TUBGCP6: variants seen among roughly 807,000 people sequenced by gnomAD.
The protein encoded by TUBGCP6 is gamma-tubulin complex component 6.
A neutral mutation model predicts 175.8 loss-of-function variants in TUBGCP6; 161 were observed. The ratio of observed to expected loss-of-function variants is 0.92; its 90% confidence interval spans 0.81 to 1.04. TUBGCP6 has a LOEUF of 1.04. Ranked by LOEUF, TUBGCP6 falls within the 50% of genes least tolerant of loss-of-function variation. The pLI, the probability that TUBGCP6 is intolerant of heterozygous loss-of-function variation, is 0.00. For missense variants in TUBGCP6, 2,572 were observed against 2,433.0 expected (o/e 1.06, Z -1.20); for synonymous variants, 1,173 against 1,030.5 (o/e 1.14, Z -2.65).
At position 50,229,500 on chromosome 22, in the gene TUBGCP6, C is replaced by T. The variant is rs1436547369; in HGVS notation, c.1194G>A (p.Ser398=). The T allele has an allele frequency of 6.8e-6, 11 of 1,610,786 alleles. No individual in the cohort carries two copies. The highest frequency in any genetic ancestry group is 4.4e-5 in the South Asian group (4 of 90,532). ...AGCAGGTCCCATACTCGGCCACTTC[C>T]GAGAGCAGGCTGCTGATGCTCTCGG... ...ASPESISSLL[S]EVAEYGTCYT... is the part of the protein sequence containing the mutation. The change falls in exon 4 of 25, where the codon TCG becomes TCA. Residue 398 remains serine (S), a synonymous_variant. Coordinates refer to ENST00000248846, the MANE Select transcript of TUBGCP6 (RefSeq NM_020461.4).
In TUBGCP6 at chr22:50,222,594, T is replaced by C. The variant is rs756410496; in HGVS notation, c.2271-2A>G. ...CTGTAGTGGTCGACCAGTGCCTGCC[T>C]GAAGCCACACACCAGAGAGGACACG... is the stretch of plus-strand genomic sequence containing the variant. On this transcript the variant is annotated splice_acceptor_variant, in intron 13 of 24. Transcript: ENST00000248846. LOFTEE classifies it high-confidence loss of function. 1 of 1,610,562 alleles carries C rather than the reference T, an allele frequency of 6.2e-7. No homozygotes were observed. Among genetic ancestry groups the C allele is most frequent in the Non-Finnish European group, 8.5e-7 (1 of 1,179,926 alleles).
intron 13 of TUBGCP6, chr22:50,223,471 G>A (rs142870381): frequency 6.5e-6 from 1 of 153,178 alleles, no homozygotes; most frequent in East Asian, 1.9e-4. Flanking sequence ...AGACGCAGAT[G>A]CTGTGCTGGA....
chr22:50,219,867 A>G (rs1237220870), intron 17 of TUBGCP6, 76 bp from the exon 18 acceptor site: 8 of 1,603,570 alleles, frequency 5.0e-6, no homozygotes, highest in Non-Finnish European at 6.8e-6. Flanking sequence ...AAAAAAAGGA[A>G]AATCGCATGT....
At position 50,228,005 on chromosome 22, in the gene TUBGCP6, C is replaced by T; in HGVS notation, c.1314G>A (p.Arg438=). The change falls in exon 5 of 25, where the codon AGG becomes AGA. Residue 438 remains arginine, a synonymous_variant. Coordinates refer to ENST00000248846, the MANE Select transcript of TUBGCP6 (RefSeq NM_020461.4). ...VFQAFTSGLR[R]YLQYYRACVL... ...CGCAGGCCCGGTAATACTGCAGGTA[C>T]CTCCTCAGGCCACTGGTGAAGGCCT... 1 of 1,563,634 alleles carries T rather than the reference C, an allele frequency of 6.4e-7. No homozygotes were observed. The highest frequency in any genetic ancestry group is 1.8e-4 in the Middle Eastern group (1 of 5,562).
chr22:50,222,193 G>T, intron 14 of TUBGCP6, 91 bp from the exon 15 acceptor site: 3 of 1,404,178 alleles, frequency 2.1e-6, no homozygotes, highest in Non-Finnish European at 2.0e-6. Context: ...GCCCATGGCA[G>T]CCATGTGCAC....
rs974208594 is a variant in TUBGCP6, at chr22:50,244,268, T to C, written c.192A>G (p.Leu64=). ...ACATGAGGATCTTGTTTCTCGCTGGTAGTTTTGACATGTCAGGCTGCAGCT... is the reference window on the plus strand; with the variant it reads ...ACATGAGGATCTTGTTTCTCGCTGGCAGTTTTGACATGTCAGGCTGCAGCT... The part of the protein sequence containing the change: ...TQQLQPDMSK[L]PARNKILMLS... Residue 64 remains leucine (L), a synonymous_variant, in exon 1 of 25, where the codon CTA becomes CTG. Transcript: ENST00000248846. 2.5e-6 allele frequency: 4 copies of C among 1,613,594 alleles called. No individual in the cohort carries two copies. Among genetic ancestry groups the C allele is most frequent in the Non-Finnish European group, 2.5e-6 (3 of 1,180,032 alleles).
chr22:50,219,850 T>G (rs1412936990), intron 17 of TUBGCP6, 59 bp from the exon 18 acceptor site: 3 of 1,603,470 alleles, frequency 1.9e-6, no homozygotes, highest in Non-Finnish European at 2.6e-6. Flanking sequence ...CACAACCAGC[T>G]TGTGCCAAAA....
rs539025630 is a variant in TUBGCP6 at position 50,219,463 on chromosome 22, G to A, written c.4316-7C>T. On this transcript the variant is annotated splice_polypyrimidine_tract_variant and splice_region_variant and intron_variant, in intron 18 of 24. Coordinates refer to ENST00000248846, the MANE Select transcript of TUBGCP6 (RefSeq NM_020461.4). Reference sequence around the variant, plus strand: ...TGAGCAATGGGCGGCTCGGCTGCGGGAGATGGAGCACGCACGTGCTGGGAA... The same window carrying A: ...TGAGCAATGGGCGGCTCGGCTGCGGAAGATGGAGCACGCACGTGCTGGGAA... The A allele has an allele frequency of 3.8e-5, 61 of 1,586,050 alleles. 1 individual carries two copies. In the South Asian group the frequency reaches 5.7e-4, roughly 15 times the overall value.
chr22:50,232,986 T>C (rs2064713445), intron 3 of TUBGCP6, among the ~76,000 whole-genome samples: 2 of 151,836 alleles, frequency 1.3e-5, no homozygotes, highest in Admixed American at 6.6e-5. Context: ...AGGCAGATGC[T>C]CCTCCCGAGC....
At chr22:50,237,426 G>C (rs771709174) in intron 2 of TUBGCP6, among the ~76,000 whole-genome samples, 18 of 152,256 alleles carry the variant, frequency 1.2e-4, no homozygotes, top group Non-Finnish European at 2.1e-4. Context: ...CACAGCATCA[G>C]GCTGACCCGA....
intron 3 of TUBGCP6, among the ~76,000 whole-genome samples, chr22:50,231,488 TAGAG>T (rs1334068451): frequency 2.7e-5 from 4 of 148,020 alleles, no homozygotes; most frequent in Non-Finnish European, 4.5e-5. Flanking sequence ...AGAAAAACAA[TAGAG>T]AGAACCAAAC....
intron 3 of TUBGCP6, among the ~76,000 whole-genome samples, chr22:50,230,158 C>A (rs1459097475): frequency 6.6e-6 from 1 of 152,022 alleles, no homozygotes; most frequent in Non-Finnish European, 1.5e-5. Flanking sequence ...CCGTGTATAC[C>A]CTAAAGAGAT....
chr22:50,230,317 A>T (rs1193060265), intron 3 of TUBGCP6, among the ~76,000 whole-genome samples: 2 of 151,890 alleles, frequency 1.3e-5, no homozygotes, highest in Non-Finnish European at 2.9e-5. Flanking sequence ...AAAAAATTTT[A>T]AAAGTTAGGC....
At position 50,222,182 on chromosome 22, in the gene TUBGCP6, C is replaced by T. The variant is rs77274938; in HGVS notation, c.2410-80G>A. 4.2e-3 allele frequency: 6,086 copies of T among 1,454,514 alleles called. 199 individuals carry two copies. In the African/African-American group the frequency reaches 0.075, roughly 18 times the overall value. 90.1% of individuals were successfully genotyped at this position (1,454,514 alleles called of 1,614,324 possible). A position where few individuals can be genotyped will look rare whatever the true frequency, so the allele number is the denominator to read the frequency against. On this transcript the variant is annotated intron_variant, in intron 14 of 24. Coordinates refer to ENST00000248846, the MANE Select transcript of TUBGCP6 (RefSeq NM_020461.4). ...CCCCACACAAAGCCACAGCCCCTAC[C>T]GCCCATGGCAGCCATGTGCACTGAA...
rs1273540838 is a variant in TUBGCP6, at chr22:50,220,502, G to A, written c.3857C>T (p.Ala1286Val). 2 of 1,613,476 alleles carry A rather than the reference G, an allele frequency of 1.2e-6. No homozygotes were observed. Among genetic ancestry groups the A allele is most frequent in the South Asian group, 2.2e-5 (2 of 91,086 alleles). The part of the protein sequence containing the change: ...HMVLGALSPE[A>V]EPNTPRPQQS... ...TTGGGGCCTGGGTGTGTTGGGCTCAGCTTCTGGTGAGAGAGCCCCCAGCAC... is the reference window on the plus strand; with the variant it reads ...TTGGGGCCTGGGTGTGTTGGGCTCAACTTCTGGTGAGAGAGCCCCCAGCAC... The change falls in exon 16 of 25, where the codon GCT (alanine) becomes GTT (valine). Residue 1286 changes from alanine to valine, a missense_variant. Ala to Val is a moderately conservative substitution (Grantham distance 64). Coordinates refer to ENST00000248846, the MANE Select transcript of TUBGCP6 (RefSeq NM_020461.4).
chr22:50,223,040 G>A lies in TUBGCP6; in HGVS notation c.2271-448C>T, dbSNP rs541632151. ...TGCTGAATTCAAAGCCTGCTTCACC[G>A]ATCGTGCCCCATGATTTTGAGCTTC... On this transcript the variant is annotated intron_variant, in intron 13 of 24. Coordinates refer to ENST00000248846, the MANE Select transcript of TUBGCP6 (RefSeq NM_020461.4). The A allele has an allele frequency of 8.1e-5, 13 of 159,588 alleles. No homozygotes were observed. The South Asian group carries it at 1.8e-3, about 23-fold the overall frequency. 9.9% of individuals were successfully genotyped at this position (159,588 alleles called of 1,614,324 possible). A position where few individuals can be genotyped will look rare whatever the true frequency, so the allele number is the denominator to read the frequency against.
rs776919296 is a variant in TUBGCP6, at chr22:50,243,862, C to A, written c.598G>T (p.Asp200Tyr). 1.2e-6 allele frequency: 2 copies of A among 1,613,792 alleles called. No homozygotes were observed. The highest frequency in any genetic ancestry group is 1.7e-6 in the Non-Finnish European group (2 of 1,179,996). Residue 200 changes from aspartate to tyrosine, a missense_variant, in exon 1 of 25, where the codon GAC becomes TAC. Transcript: ENST00000248846. ...CTCTCGAACCTGTCACCACAAGGGT[C>A]ACCAAATGAGAAGAGCCCGACGGTG... ...LPTVGLFSFG[D>Y]PCGDRFERDT...
chr22:50,226,546 G>A (rs2064612738), intron 7 of TUBGCP6, among the ~76,000 whole-genome samples, 168 bp from the exon 8 acceptor site: 1 of 149,314 alleles, frequency 6.7e-6, no homozygotes, highest in Non-Finnish European at 1.5e-5. Context: ...GGGATGGAGT[G>A]GGGGCAGGGT....
In TUBGCP6 at chr22:50,225,896, A is replaced by T. The variant is rs2147187673; in HGVS notation, c.1881T>A (p.Ile627=). The T allele has an allele frequency of 1.2e-6, 2 of 1,613,720 alleles. No individual in the cohort carries two copies. The highest frequency in any genetic ancestry group is 1.3e-5 in the African/African-American group (1 of 74,908). The part of the protein sequence containing the change: ...SDVPVPRISV[I]FSLEELKEIE... ...TCTCCTTCAACTCCTCAAGGGAGAA[A>T]ATCACCGAGATCCGGGGGACAGGGA... The change falls in exon 10 of 25, where the codon ATT becomes ATA. Residue 627 remains isoleucine (I), a synonymous_variant. Coordinates refer to ENST00000248846, the MANE Select transcript of TUBGCP6 (RefSeq NM_020461.4).
Sources: allele counts gnomAD v4.1 joint callset (sites outside exome capture counted in the v4.1 genomes callset), GRCh38; gene constraint gnomAD v4.1.1; transcripts MANE v1.5; gene names NCBI Gene and HGNC (gene_info 2026-07-23, HGNC 2026-07-21).